Variants in SGSM1 observed in about 807,000 individuals in gnomAD.
SGSM1 encodes the protein small G protein signaling modulator 1, also known as RUN and TBC1 domain containing 2.
SGSM1 carries 73 observed loss-of-function variants against 133.8 expected under a neutral mutation model. The observed-to-expected ratio is 0.55, with a 90% CI of 0.45 to 0.66. The LOEUF (loss-of-function observed/expected upper bound fraction) is 0.66. Among genes scored for constraint, SGSM1 ranks in the 30% least tolerant of loss-of-function variants. The probability of loss-of-function intolerance (pLI) is 0.00; values close to 1 mark genes in which losing one functional copy is unlikely to be tolerated. For missense variants in SGSM1, 1,213 were observed against 1,448.1 expected, an observed-to-expected ratio of 0.84 and a Z score of 2.64; for synonymous variants, 563 against 573.0, an observed-to-expected ratio of 0.98 and a Z score of 0.25.
intron 8 of SGSM1, among the ~76,000 whole-genome samples, chr22:24,857,309 G>A (rs549341294): frequency 2.7e-5 from 4 of 150,872 alleles, no homozygotes; most frequent in Admixed American, 6.6e-5. Flanking sequence ...TACTCGGGAG[G>A]CTGAGGCAGA....
intron 3 of SGSM1, among the ~76,000 whole-genome samples, chr22:24,845,241 A>G (rs1019835813): frequency 1.6e-4 from 25 of 152,182 alleles, no homozygotes; most frequent in African/African-American, 6.0e-4. Context: ...AGTGACACAC[A>G]GTCTTGCATC....
Position 24,898,194 on chromosome 22 carries a change from C to A in SGSM1, c.2245C>A (p.Leu749Met), listed in dbSNP as rs1363844637. 1.2e-6 allele frequency: 2 copies of A among 1,613,854 alleles called. No homozygotes were observed. The highest frequency in any genetic ancestry group is 1.7e-6 in the Non-Finnish European group (2 of 1,179,764). The change falls in exon 19 of 25, where the codon CTG becomes ATG. Residue 749 changes from leucine (L) to methionine (M), a missense_variant. Coordinates refer to ENST00000400358, the MANE Select transcript of SGSM1 (RefSeq NM_001098497.3). ...LDAQRNTPTV[L>M]RPRDGSVDDR... ...CGCCCAGCGGAACACCCCCACGGTG[C>A]TGCGACCTAGGGATGGCAGCGTGGA... is the stretch of plus-strand genomic sequence containing the variant.
At chr22:24,860,050 A>G (rs1931037615) in intron 9 of SGSM1, among the ~76,000 whole-genome samples, 2 of 152,208 alleles carry the variant, frequency 1.3e-5, no homozygotes, top group Non-Finnish European at 2.9e-5. Context: ...ACCAACTGGA[A>G]GAGTCTTAGG....
intron 12 of SGSM1, among the ~76,000 whole-genome samples, chr22:24,870,189 C>G (rs1310174694): frequency 3.9e-5 from 6 of 152,214 alleles, no homozygotes; most frequent in Non-Finnish European, 8.8e-5. Flanking sequence ...ATCAGGGCCT[C>G]CCAGCCACTC....
At chr22:24,847,463 C>T (rs935293087) in intron 3 of SGSM1, among the ~76,000 whole-genome samples, 171 bp from the exon 4 acceptor site, 1 of 152,128 alleles carries the variant, frequency 6.6e-6, no homozygotes, top group Non-Finnish European at 1.5e-5. Flanking sequence ...TTTCAATAAA[C>T]ATTGATTATG....
In SGSM1 at chr22:24,919,040, CTT is replaced by C. The variant is rs143985087; in HGVS notation, c.3026-762_3026-761del. On this transcript the variant is annotated intron_variant, in intron 23 of 24. Transcript: ENST00000400358. ...ACAGGTGTGAGCCACCACACCCGGC[CTT>C]TTTTTTTTTTTTTTTTTTTTTTTCG... Among the ~76,000 whole-genome samples, 292 of 71,754 alleles carry C rather than the reference CTT, an allele frequency of 4.1e-3. 2 individuals carry two copies. The highest frequency in any genetic ancestry group is 0.018 in the African/African-American group (272 of 14,926). 47.1% of individuals were successfully genotyped at this position (71,754 alleles called of 152,430 possible).
chr22:24,845,453 A>G (rs1930041119), intron 3 of SGSM1, among the ~76,000 whole-genome samples: 1 of 152,162 alleles, frequency 6.6e-6, no homozygotes. Flanking sequence ...TCTGCTCACA[A>G]GCTTCTGGAA....
chr22:24,825,335 T>G (rs76289465), intron 2 of SGSM1, among the ~76,000 whole-genome samples: 3,983 of 152,276 alleles, frequency 0.026, 166 homozygotes, highest in African/African-American at 0.091. Context: ...CAGCCTGCCT[T>G]CTGCTCCTTC....
rs116780848 is a variant in SGSM1 at position 24,901,747 on chromosome 22, G to C, written c.2611-86G>C. 1.3e-3 allele frequency: 1,934 copies of C among 1,442,580 alleles called. 29 individuals are homozygous for C. The African/African-American group carries it at 0.024, about 18-fold the overall frequency. 89.4% of individuals were successfully genotyped at this position (1,442,580 alleles called of 1,614,324 possible). ...AGTGACAACAGGAGAGGGTTAGGAA[G>C]AGGAGATAGGATTGCTGCTTTCCAG... On this transcript the variant is annotated intron_variant, in intron 19 of 24. Coordinates refer to ENST00000400358, the MANE Select transcript of SGSM1 (RefSeq NM_001098497.3).
At chr22:24,888,694 G>T (rs900043325) in intron 16 of SGSM1, among the ~76,000 whole-genome samples, 3 of 151,980 alleles carry the variant, frequency 2.0e-5, no homozygotes, top group African/African-American at 7.2e-5. Flanking sequence ...CAGAAGAATC[G>T]CTTGAACCTG....
At chr22:24,862,953 A>G (rs1263583787) in intron 9 of SGSM1, among the ~76,000 whole-genome samples, 1 of 152,126 alleles carries the variant, frequency 6.6e-6, no homozygotes, top group African/African-American at 2.4e-5. Context: ...ACCCAACGTC[A>G]AAGCTTTCAC....
intron 3 of SGSM1, among the ~76,000 whole-genome samples, chr22:24,845,940 CTTTTCTTTCTTTCTTTCTTT>C (rs1225448348): frequency 9.2e-5 from 12 of 130,718 alleles, no homozygotes; most frequent in African/African-American, 1.5e-4. Flanking sequence ...CTTTTCTTTT[CTTTTCTTTCTTTCTTTCTTT>C]CTTTCTTTCT....
At chr22:24,857,132 G>A (rs1930843155) in intron 8 of SGSM1, among the ~76,000 whole-genome samples, 3 of 151,616 alleles carry the variant, frequency 2.0e-5, no homozygotes, top group African/African-American at 7.3e-5. Context: ...GACCAAGTGT[G>A]GTGGCTCATG....
Position 24,917,728 on chromosome 22 carries a change from G to A in SGSM1, c.2999G>A (p.Arg1000His). 2 of 1,613,550 alleles carry A rather than the reference G, an allele frequency of 1.2e-6. No individual in the cohort carries two copies. Among genetic ancestry groups the A allele is most frequent in the Non-Finnish European group, 8.5e-7 (1 of 1,179,746 alleles). The change falls in exon 23 of 25, where the codon CGC (arginine) becomes CAC (histidine). Residue 1000 changes from arginine to histidine, a missense_variant. Physicochemically the swap from Arg to His is conservative, Grantham distance 29. Transcript: ENST00000400358. ...GDYTHFYFCY[R>H]WFLLDFKREL... ...TATACTCACTTCTACTTCTGCTACC[G>A]CTGGTTCCTGCTGGATTTCAAGCGA...
At chr22:24,847,524 A>G in intron 3 of SGSM1, 110 bp from the exon 4 acceptor site, 2 of 1,349,600 alleles carry the variant, frequency 1.5e-6, no homozygotes, top group African/African-American at 1.5e-5. Context: ...AGAAGGTAAG[A>G]AGATTGAGAG....
chr22:24,847,815 G>C lies in SGSM1; in HGVS notation c.302+19G>C. ...AGAGCGCGTGAGTGCAAAGCATGGG[G>C]CACAGGTGGGAGCAGCTCCCCCAAT... is the stretch of plus-strand genomic sequence containing the variant. On this transcript the variant is annotated intron_variant, in intron 4 of 24. Coordinates refer to ENST00000400358, the MANE Select transcript of SGSM1 (RefSeq NM_001098497.3). 6.2e-7 allele frequency: 1 copy of C among 1,611,064 alleles called. No homozygotes were observed. Among genetic ancestry groups the C allele is most frequent in the African/African-American group, 1.3e-5 (1 of 74,980 alleles).
chr22:24,854,612 G>A (rs190448694), intron 5 of SGSM1, among the ~76,000 whole-genome samples: 30 of 152,274 alleles, frequency 2.0e-4, no homozygotes, highest in Non-Finnish European at 3.7e-4. Context: ...AGGAATTCAA[G>A]ACCAGCCTGG....
At chr22:24,861,541 A>G (rs1931153145) in intron 9 of SGSM1, among the ~76,000 whole-genome samples, 1 of 150,872 alleles carries the variant, frequency 6.6e-6, no homozygotes, top group Non-Finnish European at 1.5e-5. Flanking sequence ...TTTATATTTT[A>G]TTTTATTTAT....
chr22:24,828,713 C>A (rs1254851531), intron 2 of SGSM1, among the ~76,000 whole-genome samples: 2 of 152,218 alleles, frequency 1.3e-5, no homozygotes, highest in Admixed American at 1.3e-4. Context: ...ATCCAGCAAT[C>A]CCATTACTGG....
Sources: gnomAD v4.1 joint callset for allele counts (sites outside exome capture counted in the v4.1 genomes callset) on GRCh38, gnomAD v4.1.1 for gene constraint, MANE v1.5 for transcripts, NCBI Gene and HGNC (gene_info 2026-07-23, HGNC 2026-07-21) for gene names.